KDM3B: variants seen among roughly 807,000 people sequenced by gnomAD.
KDM3B encodes the protein lysine demethylase 3B, also known as lysine-specific demethylase 3B.
Under a neutral mutation model 170.0 loss-of-function variants are expected in KDM3B, and 10 were observed. The ratio of observed to expected loss-of-function variants is 0.06; its 90% CI spans 0.04 to 0.10. The LOEUF is 0.10. KDM3B is among the 10% of genes least tolerant of loss of function. The pLI is 1.00. For missense variants in KDM3B, 1,394 were observed against 2,195.2 expected (o/e 0.64, Z 7.29); for synonymous variants, 831 against 834.8 (o/e 1.00, Z 0.08).
At chr5:138,403,368 C>T (rs958350819) in intron 11 of KDM3B, among the ~76,000 whole-genome samples, 39 of 152,000 alleles carry the variant, frequency 2.6e-4, no homozygotes, top group African/African-American at 6.8e-4. Flanking sequence ...CCCAGAATGA[C>T]GGTGATAATA....
intron 9 of KDM3B, among the ~76,000 whole-genome samples, chr5:138,393,741 T>C (rs1762487838): frequency 6.6e-6 from 1 of 152,160 alleles, no homozygotes; most frequent in South Asian, 2.1e-4. Context: ...GTAACTTGAG[T>C]CATGTTAAAA....
intron 21 of KDM3B, 91 bp downstream of exon 21, chr5:138,430,056 T>C (rs1763492120): frequency 6.5e-7 from 1 of 1,527,652 alleles, no homozygotes; most frequent in Non-Finnish European, 8.9e-7. Context: ...GTAGAGTCCC[T>C]TGGCATTAAA....
intron 11 of KDM3B, among the ~76,000 whole-genome samples, chr5:138,407,479 C>G (rs1762852937): frequency 6.6e-6 from 1 of 152,048 alleles, no homozygotes; most frequent in Admixed American, 6.6e-5. Flanking sequence ...TCTCTTTTGC[C>G]TGTTAAACCT....
intron 12 of KDM3B, among the ~76,000 whole-genome samples, chr5:138,415,665 G>A (rs1245792425): frequency 1.3e-5 from 2 of 151,544 alleles, no homozygotes; most frequent in East Asian, 3.9e-4. Flanking sequence ...GCACAGGCTG[G>A]TCTTGAACTC....
Position 138,352,860 on chromosome 5 carries a change from C to T in KDM3B, c.65C>T (p.Ala22Val). Residue 22 changes from alanine (A) to valine (V), a missense_variant, in exon 1 of 24, where the codon GCC becomes GTC. Ala to Val is a moderately conservative substitution (Grantham distance 64). This residue lies in a region of KDM3B where 99 missense variants were observed against 97.5 expected (regional missense o/e 1.02). Transcript: ENST00000314358. Reference sequence around the variant, plus strand: ...CTGCTGCTGTTCGCGGACACTGCGGCCTCAGCCTCGGCCTCGGCTCCCGCG... The same window carrying T: ...CTGCTGCTGTTCGCGGACACTGCGGTCTCAGCCTCGGCCTCGGCTCCCGCG... ...RLLLLFADTA[A>V]SASASAPAAA... The T allele has an allele frequency of 2.2e-6, 3 of 1,377,778 alleles. No homozygotes were observed. The highest frequency in any genetic ancestry group is 3.1e-5 in the South Asian group (2 of 65,202). The allele number at this position is 1,377,778 out of a possible 1,614,324, so 85.3% of individuals were successfully genotyped here. A position where few individuals can be genotyped will look rare whatever the true frequency, so the allele number is the denominator to read the frequency against.
chr5:138,365,223 C>A (rs924342921), intron 1 of KDM3B, among the ~76,000 whole-genome samples: 2 of 152,084 alleles, frequency 1.3e-5, no homozygotes, highest in African/African-American at 4.8e-5. Flanking sequence ...TCTCTAATTT[C>A]TCAAATATAC....
intron 11 of KDM3B, among the ~76,000 whole-genome samples, chr5:138,411,873 TG>T (rs899295756): frequency 6.6e-6 from 1 of 150,736 alleles, no homozygotes; most frequent in Non-Finnish European, 1.5e-5. Flanking sequence ...CCAATTTTTT[TG>T]TATTTTTAGT....
chr5:138,407,550 C>A (rs1762854316), intron 11 of KDM3B, among the ~76,000 whole-genome samples: 1 of 152,142 alleles, frequency 6.6e-6, no homozygotes, highest in Admixed American at 6.6e-5. Context: ...AGATGATGAA[C>A]CTCAGGTATT....
Position 138,431,499 on chromosome 5 carries a change from C to T in KDM3B, c.5145C>T (p.Arg1715=). 1.2e-6 allele frequency: 2 copies of T among 1,612,474 alleles called. No individual in the cohort carries two copies. Among genetic ancestry groups the T allele is most frequent in the African/African-American group, 2.7e-5 (2 of 75,002 alleles). The change falls in exon 23 of 24, where the codon CGC becomes CGT. Residue 1715 remains arginine, a synonymous_variant. Transcript: ENST00000314358. The part of the protein sequence containing the change: ...VSPEHVKHCF[R]LTQEFRHLSN... ...CAGAACATGTAAAGCACTGTTTCCGCCTGACTCAGGAATTCAGGCATCTCT... is the reference window on the plus strand; with the variant it reads ...CAGAACATGTAAAGCACTGTTTCCGTCTGACTCAGGAATTCAGGCATCTCT...
intron 2 of KDM3B, 56 bp downstream of exon 2, chr5:138,372,897 T>A: frequency 1.4e-6 from 2 of 1,466,988 alleles, no homozygotes; most frequent in Non-Finnish European, 9.3e-7. Flanking sequence ...ATAATATAAC[T>A]ATGACATGTT....
At chr5:138,390,304 G>A (rs1333473091) in intron 7 of KDM3B, among the ~76,000 whole-genome samples, 2 of 152,028 alleles carry the variant, frequency 1.3e-5, no homozygotes, top group Non-Finnish European at 2.9e-5. Context: ...TATCCTCTTT[G>A]GATTCTTATT....
In KDM3B at chr5:138,418,890, A is replaced by G. The variant is rs1437989850; in HGVS notation, c.3436-63A>G. ...GACCTATTTAGTATGTGAAGCCATT[A>G]CTAGTTGTATTTTTTTCTACCCAAG... is the stretch of plus-strand genomic sequence containing the variant. On this transcript the variant is annotated intron_variant, in intron 13 of 23. Transcript: ENST00000314358. The G allele has an allele frequency of 3.4e-6, 5 of 1,478,134 alleles. No individual in the cohort carries two copies. The African/African-American group carries it at 7.0e-5, about 21-fold the overall frequency. The allele number at this position is 1,478,134 out of a possible 1,614,324, so 91.6% of individuals were successfully genotyped here. A position where few individuals can be genotyped will look rare whatever the true frequency, so the allele number is the denominator to read the frequency against.
intron 1 of KDM3B, among the ~76,000 whole-genome samples, chr5:138,362,551 T>TATAC (rs1554125635): frequency 8.0e-6 from 1 of 124,684 alleles, no homozygotes; most frequent in Non-Finnish European, 1.8e-5. Flanking sequence ...TATATGTGTA[T>TATAC]ACACACACAC....
At chr5:138,377,008 A>G (rs543619696) in intron 3 of KDM3B, among the ~76,000 whole-genome samples, 6 of 152,352 alleles carry the variant, frequency 3.9e-5, no homozygotes, top group African/African-American at 1.4e-4. Context: ...AGACCAGAGC[A>G]GTTATTTCCT....
chr5:138,389,582 A>G (rs901553139), intron 7 of KDM3B, among the ~76,000 whole-genome samples: 2 of 152,092 alleles, frequency 1.3e-5, no homozygotes, highest in Non-Finnish European at 2.9e-5. Flanking sequence ...CAAAAGGAAA[A>G]CTCCATATCC....
At chr5:138,388,422 GGAGATC>G (rs1269045729) in intron 7 of KDM3B, among the ~76,000 whole-genome samples, 6 of 151,906 alleles carry the variant, frequency 3.9e-5, no homozygotes, top group Admixed American at 3.3e-4. Flanking sequence ...CACGAGGTCA[GGAGATC>G]GAGACCATCC....
rs1019855216 is a variant in KDM3B at position 138,419,736 on chromosome 5, C to T, written c.3715+504C>T. Among the ~76,000 whole-genome samples, 369 of 62,838 alleles carry T rather than the reference C, an allele frequency of 5.9e-3. 4 individuals are homozygous for T. Among genetic ancestry groups the T allele is most frequent in the Middle Eastern group, 0.037 (4 of 108 alleles). The allele number at this position is 62,838 out of a possible 152,430, so 41.2% of individuals were successfully genotyped here. ...ATATATATACACACACATACACACA[C>T]ACACACACACACACACACACACACA... is the stretch of plus-strand genomic sequence containing the variant. On this transcript the variant is annotated intron_variant, in intron 14 of 23. Transcript: ENST00000314358.
chr5:138,366,313 T>C (rs2126915323), intron 1 of KDM3B, among the ~76,000 whole-genome samples: 1 of 152,022 alleles, frequency 6.6e-6, no homozygotes, highest in African/African-American at 2.4e-5. Context: ...CTTCCCCCCA[T>C]TGTCTTTCCT....
intron 11 of KDM3B, among the ~76,000 whole-genome samples, chr5:138,410,815 G>GC (rs1762947241): frequency 6.6e-6 from 1 of 152,208 alleles, no homozygotes; most frequent in Non-Finnish European, 1.5e-5. Flanking sequence ...AGAGAGAGAG[G>GC]AGACAAAGAG....
Sources: gnomAD v4.1 joint callset for allele counts (sites outside exome capture counted in the v4.1 genomes callset) on GRCh38, gnomAD v4.1.1 for gene constraint, gnomAD v4.1.1 regional missense constraint, MANE v1.5 for transcripts, NCBI Gene and HGNC (gene_info 2026-07-23, HGNC 2026-07-21) for gene names.